Variants in USP32 observed in about 807,000 individuals in gnomAD.
USP32 encodes the protein ubiquitin specific peptidase 32, also known as ubiquitin carboxyl-terminal hydrolase 32.
Under a neutral mutation model 204.8 loss-of-function variants are expected in USP32, and 59 were observed. The observed-to-expected ratio is 0.29, with a 90% CI of 0.23 to 0.36. USP32 has a LOEUF of 0.36. Ranked by LOEUF, USP32 falls within the 10% of genes least tolerant of loss-of-function variation. The pLI, the probability that USP32 is intolerant of heterozygous loss-of-function variation, is 1.00. For synonymous variants in USP32, 517 were observed against 678.4 expected, an observed-to-expected ratio of 0.76 and a Z score of 3.70; for missense variants, 1,160 against 1,946.4, an observed-to-expected ratio of 0.60 and a Z score of 7.60.
At chr17:60,252,317 C>T in intron 11 of USP32, 64 bp downstream of exon 11, 1 of 1,237,244 alleles carries the variant, frequency 8.1e-7, no homozygotes. Flanking sequence ...CATGCTGTTC[C>T]TCAGTAACCA....
At position 60,378,897 on chromosome 17, in the gene USP32, T is replaced by G. The variant is rs146139758; in HGVS notation, c.58+12985A>C. 6.4e-4 allele frequency among the ~76,000 whole-genome samples: 98 copies of G among 152,168 alleles called. 1 individual carries two copies. Among genetic ancestry groups the G allele is most frequent in the Middle Eastern group, 3.4e-3 (1 of 294 alleles). On this transcript the variant is annotated intron_variant, in intron 1 of 33. Coordinates refer to ENST00000300896, the MANE Select transcript of USP32 (RefSeq NM_032582.4). ...GCCACTAATTGTACATTTTTTAAAA[T>G]AGTTCAAATGGTAAATGGTATGTTC...
intron 1 of USP32, among the ~76,000 whole-genome samples, chr17:60,363,873 G>A (rs1294891703): frequency 6.6e-6 from 1 of 151,946 alleles, no homozygotes; most frequent in Admixed American, 6.6e-5. Flanking sequence ...AAGGAAGGAG[G>A]AAGGGAGGGA....
chr17:60,321,342 C>G (rs2088107008), intron 2 of USP32, among the ~76,000 whole-genome samples: 1 of 152,154 alleles, frequency 6.6e-6, no homozygotes, highest in Non-Finnish European at 1.5e-5. Context: ...GAACTACAAC[C>G]AACGTAAGAC....
chr17:60,421,950 A>C, intron 1 of USP32: 3 of 985,324 alleles, frequency 3.0e-6, no homozygotes, highest in Non-Finnish European at 3.6e-6. Flanking sequence ...GGGGAGGGTT[A>C]CAGAGCCCGT....
rs61751977 is a variant in USP32, at chr17:60,252,404, C to T, written c.1113G>A (p.Pro371=). 5.1e-3 allele frequency: 8,232 copies of T among 1,608,870 alleles called. 28 individuals are homozygous for T. Among genetic ancestry groups the T allele is most frequent in the Middle Eastern group, 7.8e-3 (47 of 6,052 alleles). Residue 371 remains proline (P), a synonymous_variant, in exon 11 of 34, where the codon CCG becomes CCA. Transcript: ENST00000300896. ...HIVLGLRPAT[P]EEEGQIIRGW... ...ACCTAATAATTTGTCCTTCTTCTTC[C>T]GGAGTAGCTGGTCTTAACCCCAGAA...
At chr17:60,314,777 G>T (rs141575581) in intron 2 of USP32, among the ~76,000 whole-genome samples, 3,170 of 151,972 alleles carry the variant, frequency 0.021, 50 homozygotes, top group Non-Finnish European at 0.032. Flanking sequence ...ACCAAACAAA[G>T]GTATATAATA....
At chr17:60,327,988 G>T (rs529044380) in intron 2 of USP32, among the ~76,000 whole-genome samples, 1 of 152,374 alleles carries the variant, frequency 6.6e-6, no homozygotes, top group African/African-American at 2.4e-5. Flanking sequence ...GCCTGCAGGT[G>T]CCCCTTGGCA....
intron 13 of USP32, among the ~76,000 whole-genome samples, chr17:60,225,790 A>T: frequency 6.6e-6 from 1 of 151,796 alleles, no homozygotes. Flanking sequence ...CATCTCTACT[A>T]AAAAAATACA....
chr17:60,288,659 C>T lies in USP32; in HGVS notation c.435G>A (p.Lys145=). ...TGTTTAGAAAAAGCCAATTTCTAAA[C>T]TTTTCATAGTTTACCTTTTCACCCT... ...FSEGEKVNYE[K]FRNWLFLNKD... Residue 145 remains lysine, a synonymous_variant, in exon 5 of 34, where the codon AAG becomes AAA. Transcript: ENST00000300896. 2 of 1,607,618 alleles carry T rather than the reference C, an allele frequency of 1.2e-6. No homozygotes were observed. The highest frequency in any genetic ancestry group is 1.3e-5 in the African/African-American group (1 of 74,410).
At chr17:60,218,866 T>C (rs565209910) in intron 16 of USP32, among the ~76,000 whole-genome samples, 85 of 152,308 alleles carry the variant, frequency 5.6e-4, no homozygotes, top group African/African-American at 1.8e-3. Context: ...AATTGTGGGA[T>C]TACAGGCATG....
intron 26 of USP32, among the ~76,000 whole-genome samples, chr17:60,199,202 G>A (rs1461786061): frequency 6.6e-6 from 1 of 151,724 alleles, no homozygotes; most frequent in African/African-American, 2.4e-5. Context: ...GCTGTTGATA[G>A]TGGTTGTTGG....
At chr17:60,340,316 C>G (rs2088627026) in intron 2 of USP32, among the ~76,000 whole-genome samples, 1 of 149,994 alleles carries the variant, frequency 6.7e-6, no homozygotes, top group South Asian at 2.1e-4. Flanking sequence ...TGGCTCACAC[C>G]TGTAATCCTG....
chr17:60,262,073 T>C (rs2086466677), intron 9 of USP32, among the ~76,000 whole-genome samples: 1 of 152,220 alleles, frequency 6.6e-6, no homozygotes, highest in Admixed American at 6.5e-5. Flanking sequence ...TTTCTCCCAA[T>C]TTAATGGATG....
chr17:60,292,873 G>A (rs567216736), intron 4 of USP32, among the ~76,000 whole-genome samples: 7 of 151,462 alleles, frequency 4.6e-5, no homozygotes, highest in Non-Finnish European at 1.0e-4. Flanking sequence ...AAGGACTCAC[G>A]CTGTCCTATA....
chr17:60,245,959 A>C (rs1262949358), intron 11 of USP32, among the ~76,000 whole-genome samples: 1 of 151,932 alleles, frequency 6.6e-6, no homozygotes, highest in Non-Finnish European at 1.5e-5. Context: ...TATGCATACA[A>C]TGCGTAATGA....
intron 5 of USP32, among the ~76,000 whole-genome samples, chr17:60,279,794 G>A (rs2086923542): frequency 6.7e-6 from 1 of 148,648 alleles, no homozygotes; most frequent in South Asian, 2.1e-4. Flanking sequence ...CCTAGATAGG[G>A]CCACTGCACT....
intron 26 of USP32, among the ~76,000 whole-genome samples, chr17:60,202,898 A>T (rs2084714825): frequency 6.8e-6 from 1 of 147,480 alleles, no homozygotes; most frequent in African/African-American, 2.7e-5. Flanking sequence ...GTGGGCCCTA[A>T]ATTCAATAAG....
At chr17:60,280,699 T>C (rs1166257951) in intron 5 of USP32, among the ~76,000 whole-genome samples, 2 of 152,220 alleles carry the variant, frequency 1.3e-5, no homozygotes, top group African/African-American at 4.8e-5. Context: ...ATAAATCAGT[T>C]AATAACATTC....
intron 1 of USP32, among the ~76,000 whole-genome samples, chr17:60,384,562 C>T (rs1350198134): frequency 5.3e-5 from 8 of 152,044 alleles, no homozygotes; most frequent in African/African-American, 1.9e-4. Flanking sequence ...GAGGCCGAGG[C>T]GGGCGGATCA....
Sources: allele counts gnomAD v4.1 joint callset (sites outside exome capture counted in the v4.1 genomes callset), GRCh38; gene constraint gnomAD v4.1.1; transcripts MANE v1.5; gene names NCBI Gene and HGNC (gene_info 2026-07-23, HGNC 2026-07-21).